Variants in STMN2 observed in about 807,000 individuals in gnomAD.
STMN2 encodes the protein stathmin 2.
Under a neutral mutation model 24.1 loss-of-function variants are expected in STMN2, and 2 were observed. The ratio of observed to expected loss-of-function variants is 0.08; its 90% CI spans 0.03 to 0.26. The LOEUF is 0.26. Ranked by LOEUF, STMN2 falls within the 10% of genes least tolerant of loss-of-function variation. STMN2 has a pLI of 1.00. For missense variants in STMN2, 114 were observed against 213.6 expected (o/e 0.53, Z 2.91); for synonymous variants, 83 against 77.5 (o/e 1.07, Z -0.37).
intron 3 of STMN2, 36 bp from the exon 4 acceptor site, chr8:79,654,835 G>T: frequency 6.3e-7 from 1 of 1,596,668 alleles, no homozygotes; most frequent in South Asian, 1.1e-5. Context: ...GTTTGTGTTT[G>T]GATAATTATA....
At chr8:79,658,288 A>G (rs1806420053) in intron 4 of STMN2, among the ~76,000 whole-genome samples, 1 of 152,206 alleles carries the variant, frequency 6.6e-6, no homozygotes, top group Non-Finnish European at 1.5e-5. Flanking sequence ...CCTGGGAAAC[A>G]GAACAAGACC....
intron 1 of STMN2, chr8:79,613,334 G>T (rs1388004202): frequency 5.2e-6 from 5 of 968,654 alleles, no homozygotes; most frequent in Non-Finnish European, 6.1e-6. Flanking sequence ...TGGGTGTGTG[G>T]AGCGCAGCCA....
chr8:79,647,262 A>T (rs1394405169), intron 3 of STMN2, among the ~76,000 whole-genome samples: 1 of 152,244 alleles, frequency 6.6e-6, no homozygotes, highest in Admixed American at 6.5e-5. Context: ...GATTATTAAA[A>T]GATAAGCAGT....
chr8:79,627,461 C>T (rs1809683586), intron 1 of STMN2, among the ~76,000 whole-genome samples: 1 of 152,168 alleles, frequency 6.6e-6, no homozygotes, highest in African/African-American at 2.4e-5. Context: ...CTTCTCATGT[C>T]TTAAGAATGA....
At chr8:79,619,666 AT>A (rs1809465593) in intron 1 of STMN2, among the ~76,000 whole-genome samples, 1 of 152,172 alleles carries the variant, frequency 6.6e-6, no homozygotes, top group Non-Finnish European at 1.5e-5. Context: ...TCAGAACATA[AT>A]TATTTTTATT....
In STMN2 at chr8:79,657,019, G is replaced by A. The variant is rs1379022838; in HGVS notation, c.480+1957G>A. On this transcript the variant is annotated intron_variant, in intron 4 of 4. Transcript: ENST00000220876. The stretch of plus-strand genomic sequence containing the variant: ...CTCCCAAGTAGCTGAGATTACAGGC[G>A]TATACCACCACGCCCAGCTAATTTT... 5.9e-5 allele frequency among the ~76,000 whole-genome samples: 9 copies of A among 152,044 alleles called. No homozygotes were observed. In the South Asian group the frequency reaches 1.0e-3, roughly 18 times the overall value.
chr8:79,614,215 G>A lies in STMN2; in HGVS notation c.19+3001G>A, dbSNP rs117064715. On this transcript the variant is annotated intron_variant, in intron 1 of 4. Coordinates refer to ENST00000220876, the MANE Select transcript of STMN2 (RefSeq NM_007029.4). Reference sequence around the variant, plus strand: ...AAATCATGAAAAAAACACTACTTCTGCAGTATTAAAATAATAGATTTTGAA... The same window carrying A: ...AAATCATGAAAAAAACACTACTTCTACAGTATTAAAATAATAGATTTTGAA... Among the ~76,000 whole-genome samples the A allele has an allele frequency of 5.0e-4, 76 of 152,192 alleles. 2 individuals carry two copies. The East Asian group carries it at 0.014, about 28-fold the overall frequency.
At chr8:79,642,377 T>TAA (rs1012955976) in intron 3 of STMN2, among the ~76,000 whole-genome samples, 1 of 152,192 alleles carries the variant, frequency 6.6e-6, no homozygotes, top group Non-Finnish European at 1.5e-5. Context: ...CATGTGGTTA[T>TAA]GGTAGTTAAT....
At chr8:79,613,327 G>A (rs994988034) in intron 1 of STMN2, 1 of 955,472 alleles carries the variant, frequency 1.0e-6, no homozygotes, top group African/African-American at 1.8e-5. Context: ...TGGCGACTGG[G>A]TGTGTGGAGC....
At chr8:79,659,395 TGAGA>T (rs1386743373) in intron 4 of STMN2, among the ~76,000 whole-genome samples, 1 of 151,938 alleles carries the variant, frequency 6.6e-6, no homozygotes, top group Admixed American at 6.6e-5. Flanking sequence ...GAGAGGAAGA[TGAGA>T]GAAAGGAAAG....
At chr8:79,614,122 A>C (rs538486285) in intron 1 of STMN2, among the ~76,000 whole-genome samples, 14 of 152,356 alleles carry the variant, frequency 9.2e-5, no homozygotes, top group African/African-American at 3.4e-4. Context: ...CCGCCATCCA[A>C]ATAAAAATCC....
intron 2 of STMN2, 103 bp from the exon 3 acceptor site, chr8:79,641,275 C>A: frequency 7.9e-7 from 1 of 1,266,820 alleles, no homozygotes. Context: ...TTCCTATCTC[C>A]CGGAATAACA....
intron 3 of STMN2, among the ~76,000 whole-genome samples, chr8:79,648,725 A>T (rs1019226588): frequency 3.9e-5 from 6 of 152,138 alleles, no homozygotes; most frequent in South Asian, 2.1e-4. Context: ...AGCCTTCCGA[A>T]GTGCTGGCAT....
chr8:79,615,330 C>T (rs1190918749), intron 1 of STMN2, among the ~76,000 whole-genome samples: 1 of 152,184 alleles, frequency 6.6e-6, no homozygotes, highest in African/African-American at 2.4e-5. Context: ...AGCTGGCCTC[C>T]GAGCAGGAGG....
intron 1 of STMN2, among the ~76,000 whole-genome samples, chr8:79,621,783 A>G (rs1360885772): frequency 1.3e-5 from 2 of 151,926 alleles, no homozygotes; most frequent in Admixed American, 1.3e-4. Context: ...CAGAGATAAA[A>G]CTCAGTACTT....
At chr8:79,643,166 T>TATATAA (rs1463238961) in intron 3 of STMN2, among the ~76,000 whole-genome samples, 1 of 146,256 alleles carries the variant, frequency 6.8e-6, no homozygotes, top group African/African-American at 2.5e-5. Flanking sequence ...TATATATATA[T>TATATAA]ATAAAATACT....
intron 3 of STMN2, among the ~76,000 whole-genome samples, chr8:79,653,241 G>T (rs1448361085): frequency 6.6e-6 from 1 of 152,108 alleles, no homozygotes; most frequent in Non-Finnish European, 1.5e-5. Context: ...GCAGGGTGTG[G>T]TAGCACACAC....
At position 79,641,663 on chromosome 8, in the gene STMN2, C is replaced by CAT. The variant is rs1470236474; in HGVS notation, c.288+114_288+115insTA. 5 of 809,264 alleles carry CAT rather than the reference C, an allele frequency of 6.2e-6. No homozygotes were observed. In the African/African-American group the frequency reaches 8.9e-5, roughly 14 times the overall value. 50.1% of individuals were successfully genotyped at this position (809,264 alleles called of 1,614,324 possible). A position where few individuals can be genotyped will look rare whatever the true frequency, so the allele number is the denominator to read the frequency against. Reference sequence around the variant, plus strand: ...ACACACACACACACACACACACACACACACACACATACAGAGAGCAATGAC... The same window carrying CAT: ...ACACACACACACACACACACACACACATACACACACATACAGAGAGCAATGAC... On this transcript the variant is annotated intron_variant, in intron 3 of 4. Coordinates refer to ENST00000220876, the MANE Select transcript of STMN2 (RefSeq NM_007029.4).
intron 1 of STMN2, among the ~76,000 whole-genome samples, chr8:79,635,183 A>G (rs191948643): frequency 7.2e-5 from 11 of 152,322 alleles, no homozygotes; most frequent in Admixed American, 7.2e-4. Flanking sequence ...AAAAAATGAG[A>G]AAATGAAATG....
Sources: allele counts gnomAD v4.1 joint callset (sites outside exome capture counted in the v4.1 genomes callset), GRCh38; gene constraint gnomAD v4.1.1; transcripts MANE v1.5; gene names NCBI Gene and HGNC (gene_info 2026-07-23, HGNC 2026-07-21).